DPYD: variants seen among roughly 807,000 people sequenced by gnomAD.
DPYD encodes dihydropyrimidine dehydrogenase [NADP(+)].
DPYD carries 109 observed loss-of-function variants against 116.2 expected under a neutral mutation model. The ratio of observed to expected loss-of-function variants is 0.94; its 90% CI spans 0.80 to 1.10. The LOEUF (loss-of-function observed/expected upper bound fraction) is 1.10. DPYD is among the 50% of genes least tolerant of loss of function. DPYD has a pLI of 0.00. For synonymous variants in DPYD, 440 were observed against 432.0 expected (o/e 1.02, Z -0.23); for missense variants, 1,302 against 1,254.5 (o/e 1.04, Z -0.57).
chr1:97,236,662 C>T (rs527870036), intron 18 of DPYD, among the ~76,000 whole-genome samples: 75 of 152,232 alleles, frequency 4.9e-4, no homozygotes, highest in Non-Finnish European at 8.7e-4. Context: ...CACACACACA[C>T]ACAAAACACA....
At chr1:97,893,112 A>G (rs1013366028) in intron 1 of DPYD, among the ~76,000 whole-genome samples, 9 of 151,770 alleles carry the variant, frequency 5.9e-5, no homozygotes, top group Admixed American at 2.0e-4. Flanking sequence ...AGCCACTATT[A>G]ACCCAATGTA....
At chr1:97,679,215 TG>T in intron 7 of DPYD, 33 bp from the exon 8 acceptor site, 1 of 1,194,896 alleles carries the variant, frequency 8.4e-7, no homozygotes, top group Non-Finnish European at 1.2e-6. Context: ...TAAGAAAATT[TG>T]GCATATGATT....
intron 20 of DPYD, among the ~76,000 whole-genome samples, chr1:97,168,544 A>G (rs1656487969): frequency 1.3e-5 from 2 of 152,212 alleles, no homozygotes; most frequent in African/African-American, 4.8e-5. Flanking sequence ...AAACATATTA[A>G]AAGAGGACAG....
chr1:97,666,242 G>C (rs1015080652), intron 8 of DPYD, among the ~76,000 whole-genome samples: 1 of 151,852 alleles, frequency 6.6e-6, no homozygotes, highest in South Asian at 2.1e-4. Context: ...GCACAATCAC[G>C]GCTCATTGCA....
At position 97,086,085 on chromosome 1, in the gene DPYD, G is replaced by A. The variant is rs901861827; in HGVS notation, c.2767-3615C>T. 4.6e-5 allele frequency among the ~76,000 whole-genome samples: 7 copies of A among 151,966 alleles called. No homozygotes were observed. The East Asian group carries it at 9.6e-4, about 21-fold the overall frequency. On this transcript the variant is annotated intron_variant, in intron 21 of 22. Transcript: ENST00000370192. The stretch of plus-strand genomic sequence containing the variant: ...TTTGTTTTGTTTGAGACAGAGTCTC[G>A]CTCTGTTGCCCAGGCTGGAGTGCAG...
intron 20 of DPYD, among the ~76,000 whole-genome samples, chr1:97,165,504 A>AGGAATG (rs557820838): frequency 2.3e-3 from 357 of 152,276 alleles, no homozygotes; most frequent in African/African-American, 7.8e-3. Flanking sequence ...TTCTAGATAC[A>AGGAATG]GGAATGGGCA....
chr1:97,832,665 T>C (rs1171704001), intron 2 of DPYD, among the ~76,000 whole-genome samples: 3 of 152,014 alleles, frequency 2.0e-5, no homozygotes, highest in South Asian at 4.1e-4. Flanking sequence ...GCAATTGAAG[T>C]AGAAACTGGA....
intron 20 of DPYD, among the ~76,000 whole-genome samples, chr1:97,162,555 C>G (rs1446970521): frequency 6.6e-6 from 1 of 152,032 alleles, no homozygotes; most frequent in Non-Finnish European, 1.5e-5. Context: ...GCCATACTGC[C>G]CAAGGTAATT....
At chr1:97,458,257 C>A in intron 13 of DPYD, among the ~76,000 whole-genome samples, 1 of 152,042 alleles carries the variant, frequency 6.6e-6, no homozygotes, top group Non-Finnish European at 1.5e-5. Flanking sequence ...TGGCTCTACT[C>A]TACAGTCGAC....
chr1:97,647,980 C>A (rs1658371804), intron 8 of DPYD, among the ~76,000 whole-genome samples: 1 of 151,986 alleles, frequency 6.6e-6, no homozygotes, highest in Admixed American at 6.6e-5. Context: ...GCTGCTACTA[C>A]CAAATCAGAT....
At chr1:97,112,097 A>G (rs1028665595) in intron 20 of DPYD, among the ~76,000 whole-genome samples, 1 of 152,154 alleles carries the variant, frequency 6.6e-6, no homozygotes, top group African/African-American at 2.4e-5. Flanking sequence ...GCAATGTCTC[A>G]TAGCTTTTTA....
intron 14 of DPYD, among the ~76,000 whole-genome samples, chr1:97,397,212 G>T (rs116766752): frequency 1.3e-5 from 2 of 152,068 alleles, no homozygotes; most frequent in Admixed American, 6.6e-5. Flanking sequence ...AAACTACCAT[G>T]ACTAATATAT....
chr1:97,245,316 A>G (rs1178069681), intron 18 of DPYD, among the ~76,000 whole-genome samples: 1 of 152,156 alleles, frequency 6.6e-6, no homozygotes, highest in East Asian at 1.9e-4. Context: ...CCGGGTTTGA[A>G]TGTGAGGACT....
intron 16 of DPYD, among the ~76,000 whole-genome samples, chr1:97,328,195 T>C (rs1482909582): frequency 6.6e-6 from 1 of 152,138 alleles, no homozygotes; most frequent in Non-Finnish European, 1.5e-5. Context: ...ATTCGATTTG[T>C]CCACAATGTA....
At chr1:97,699,615 T>A in intron 5 of DPYD, 68 bp from the exon 6 acceptor site, 1 of 1,469,440 alleles carries the variant, frequency 6.8e-7, no homozygotes, top group East Asian at 2.3e-5. Flanking sequence ...ATATTTTTAA[T>A]GTTTCAAACG....
chr1:97,577,886 C>T (rs1653378559), intron 10 of DPYD, among the ~76,000 whole-genome samples: 1 of 151,710 alleles, frequency 6.6e-6, no homozygotes, highest in African/African-American at 2.4e-5. Context: ...TTGCCAGTTG[C>T]CCAGGCTGGA....
intron 20 of DPYD, among the ~76,000 whole-genome samples, chr1:97,154,147 A>G (rs779612071): frequency 6.6e-6 from 1 of 152,214 alleles, no homozygotes; most frequent in Admixed American, 6.5e-5. Context: ...ACTAATGGGT[A>G]TCTACCCAGA....
intron 16 of DPYD, among the ~76,000 whole-genome samples, chr1:97,327,164 T>C (rs1343063071): frequency 6.6e-6 from 1 of 152,048 alleles, no homozygotes. Context: ...TATACCACAG[T>C]TAATGATTTT....
At chr1:97,646,119 T>G (rs1658245125) in intron 8 of DPYD, among the ~76,000 whole-genome samples, 1 of 152,148 alleles carries the variant, frequency 6.6e-6, no homozygotes, top group Non-Finnish European at 1.5e-5. Flanking sequence ...AGGGCAAGTC[T>G]TTTCAAAGTA....
Sources: allele counts gnomAD v4.1 joint callset (sites outside exome capture counted in the v4.1 genomes callset), GRCh38; gene constraint gnomAD v4.1.1; transcripts MANE v1.5; gene names NCBI Gene and HGNC (gene_info 2026-07-23, HGNC 2026-07-21).